The following RCBTB2 variants were observed in gnomAD, a reference collection of about 807,000 sequenced individuals.
RCBTB2 encodes the protein RCC1 and BTB domain containing protein 2.
RCBTB2 carries 55 observed loss-of-function variants against 65.4 expected under a neutral mutation model. The observed-to-expected ratio is 0.84, with a 90% CI of 0.68 to 1.05. The LOEUF is 1.05. Ranked by LOEUF, RCBTB2 falls within the 50% of genes least tolerant of loss-of-function variation. RCBTB2 has a pLI of 0.00. For synonymous variants in RCBTB2, 220 were observed against 255.2 expected, an observed-to-expected ratio of 0.86 and a Z score of 1.31; for missense variants, 599 against 680.1, an observed-to-expected ratio of 0.88 and a Z score of 1.33.
At chr13:48,514,321 G>A (rs766885513) in intron 6 of RCBTB2, among the ~76,000 whole-genome samples, 17 of 152,156 alleles carry the variant, frequency 1.1e-4, no homozygotes, top group Admixed American at 4.6e-4. Context: ...GTCCCAGCTG[G>A]GATGGAGCAA....
At chr13:48,533,188 A>T, upstream of RCBTB2, 1 of 356,490 alleles carries the variant, frequency 2.8e-6, no homozygotes. Context: ...AAGGGAGCGC[A>T]GACAAGAGGA....
intron 5 of RCBTB2, 89 bp downstream of exon 5, chr13:48,515,497 C>G (rs1038113633): frequency 6.6e-6 from 9 of 1,366,742 alleles, no homozygotes; most frequent in Non-Finnish European, 2.0e-6. Flanking sequence ...TTTTTTTTAA[C>G]CTTTTATTCC....
At chr13:48,490,372 A>C in intron 14 of RCBTB2, 121 bp from the exon 15 acceptor site, 2 of 732,666 alleles carry the variant, frequency 2.7e-6, no homozygotes, top group Non-Finnish European at 4.5e-6. Context: ...AGTGGAGGAA[A>C]TGATGGCATG....
intron 7 of RCBTB2, among the ~76,000 whole-genome samples, 171 bp from the exon 8 acceptor site, chr13:48,512,345 C>T (rs1238476527): frequency 6.6e-6 from 1 of 152,162 alleles, no homozygotes; most frequent in African/African-American, 2.4e-5. Context: ...ATACAATGTA[C>T]ATGATTTTAT....
intron 2 of RCBTB2, 99 bp from the exon 3 acceptor site, chr13:48,522,502 A>C (rs1219317648): frequency 1.7e-5 from 11 of 661,868 alleles, no homozygotes; most frequent in South Asian, 8.9e-5. Context: ...CTGAAACAAC[A>C]GCCATCAAAT....
intron 1 of RCBTB2, chr13:48,532,778 T>A: frequency 3.3e-6 from 1 of 307,288 alleles, no homozygotes; most frequent in Non-Finnish European, 6.4e-6. Context: ...CGCCTCTGCC[T>A]GCGGCCTGGG....
chr13:48,514,283 A>G (rs1950964990), intron 6 of RCBTB2, among the ~76,000 whole-genome samples: 1 of 152,218 alleles, frequency 6.6e-6, no homozygotes, highest in African/African-American at 2.4e-5. Context: ...TGTCTATGGC[A>G]GAGATGCTGG....
At chr13:48,499,948 AG>A (rs917646796) in intron 12 of RCBTB2, among the ~76,000 whole-genome samples, 188 bp from the exon 13 acceptor site, 173 of 152,338 alleles carry the variant, frequency 1.1e-3, no homozygotes, top group African/African-American at 3.9e-3. Context: ...ACCTGCTGCC[AG>A]GGGTGGCCTG....
intron 10 of RCBTB2, among the ~76,000 whole-genome samples, chr13:48,509,354 A>G (rs532992646): frequency 2.6e-5 from 4 of 152,276 alleles, no homozygotes; most frequent in Non-Finnish European, 5.9e-5. Flanking sequence ...ATAACAGGCC[A>G]TACAAATCCA....
intron 13 of RCBTB2, among the ~76,000 whole-genome samples, chr13:48,496,947 GTATC>G (rs1261251181): frequency 6.6e-6 from 1 of 151,990 alleles, no homozygotes; most frequent in Non-Finnish European, 1.5e-5. Context: ...AGAGCTATCT[GTATC>G]TGCTGTCTCC....
chr13:48,506,487 A>C (rs933187850), intron 10 of RCBTB2, among the ~76,000 whole-genome samples: 6 of 152,218 alleles, frequency 3.9e-5, no homozygotes, highest in African/African-American at 1.4e-4. Context: ...TAGGTTGCCA[A>C]GGAGTAATGA....
At chr13:48,522,561 A>T (rs1032894869) in intron 2 of RCBTB2, among the ~76,000 whole-genome samples, 158 bp from the exon 3 acceptor site, 2 of 152,212 alleles carry the variant, frequency 1.3e-5, no homozygotes, top group Admixed American at 6.5e-5. Flanking sequence ...TGCCCACATC[A>T]CCTACTTTCT....
At chr13:48,525,466 AC>A (rs1951675575) in intron 1 of RCBTB2, among the ~76,000 whole-genome samples, 2 of 143,248 alleles carry the variant, frequency 1.4e-5, no homozygotes, top group South Asian at 4.4e-4. Context: ...AATAATTCTT[AC>A]TCCTCCTACA....
upstream of RCBTB2, among the ~76,000 whole-genome samples, chr13:48,534,378 C>T (rs1038017349): frequency 8.5e-5 from 13 of 152,068 alleles, no homozygotes; most frequent in African/African-American, 3.1e-4. Context: ...TTATTTGGAG[C>T]TCACAATAAT....
rs954773686 is a variant in RCBTB2 at position 48,524,251 on chromosome 13, A to G, written c.-120+408T>C. 1.6e-4 allele frequency among the ~76,000 whole-genome samples: 24 copies of G among 152,208 alleles called. 1 individual carries two copies. The highest frequency in any genetic ancestry group is 5.8e-4 in the African/African-American group (24 of 41,450). ...ATGTGATTTCACCAGGCTATTAACA[A>G]TATGTTGATATATATACTTAAAATA... On this transcript the variant is annotated intron_variant, in intron 2 of 14. Transcript: ENST00000344532.
chr13:48,498,718 G>C lies in RCBTB2; in HGVS notation c.1384+903C>G, dbSNP rs151236604. Among the ~76,000 whole-genome samples, 873 of 148,832 alleles carry C rather than the reference G, an allele frequency of 5.9e-3. 5 individuals are homozygous for C. Among genetic ancestry groups the C allele is most frequent in the Middle Eastern group, 0.01 (3 of 294 alleles). ...GCACTCCAGCCTGGGCAACAAGAGT[G>C]AAACTCTGTCTCAAAAAAAAAAAAA... On this transcript the variant is annotated intron_variant, in intron 13 of 14. Coordinates refer to ENST00000344532, the MANE Select transcript of RCBTB2 (RefSeq NM_001268.4).
At chr13:48,503,077 C>T (rs942105418) in intron 10 of RCBTB2, among the ~76,000 whole-genome samples, 163 bp from the exon 11 acceptor site, 12 of 152,130 alleles carry the variant, frequency 7.9e-5, no homozygotes, top group Non-Finnish European at 1.6e-4. Flanking sequence ...ACTCATACAC[C>T]TCATCTCCTA....
At chr13:48,529,092 CCA>C (rs1951962331) in intron 1 of RCBTB2, among the ~76,000 whole-genome samples, 1 of 152,084 alleles carries the variant, frequency 6.6e-6, no homozygotes. Context: ...GTCTTTTCAG[CCA>C]CACACGGCAA....
At chr13:48,518,276 G>A (rs1197906713) in intron 4 of RCBTB2, among the ~76,000 whole-genome samples, 1 of 151,854 alleles carries the variant, frequency 6.6e-6, no homozygotes, top group Non-Finnish European at 1.5e-5. Flanking sequence ...CCTGTACCAG[G>A]GCTAAGCTCT....
Sources: gnomAD v4.1 joint callset for allele counts (sites outside exome capture counted in the v4.1 genomes callset) on GRCh38, gnomAD v4.1.1 for gene constraint, MANE v1.5 for transcripts, NCBI Gene and HGNC (gene_info 2026-07-23, HGNC 2026-07-21) for gene names.